ZNF438: variants seen among roughly 807,000 people sequenced by gnomAD.
ZNF438 encodes zinc finger protein 438.
Under a neutral mutation model 38.0 loss-of-function variants are expected in ZNF438, and 25 were observed. The observed-to-expected ratio is 0.66, with a 90% CI of 0.48 to 0.92. The LOEUF (loss-of-function observed/expected upper bound fraction) is 0.92, where lower values mean the gene tolerates loss of function less well. Among genes scored for constraint, ZNF438 ranks in the 40% least tolerant of loss-of-function variants. The pLI is 0.00. For synonymous variants in ZNF438, 372 were observed against 364.1 expected (o/e 1.02, Z -0.25); for missense variants, 1,007 against 999.6 (o/e 1.01, Z -0.10).
intron 4 of ZNF438, among the ~76,000 whole-genome samples, chr10:30,856,228 A>G (rs563523298): frequency 6.6e-6 from 1 of 152,332 alleles, no homozygotes; most frequent in East Asian, 1.9e-4. Flanking sequence ...ACTATCCACC[A>G]AAGTTAAGCA....
chr10:30,846,339 G>C (rs2132617600), intron 5 of ZNF438, among the ~76,000 whole-genome samples: 1 of 152,352 alleles, frequency 6.6e-6, no homozygotes, highest in East Asian at 1.9e-4. Context: ...CATTTGTGCA[G>C]GGTTGGCCAG....
intron 1 of ZNF438, among the ~76,000 whole-genome samples, chr10:31,031,509 T>C (rs1476144630): frequency 6.6e-6 from 1 of 152,114 alleles, no homozygotes; most frequent in African/African-American, 2.4e-5. Context: ...GGAATCTAAG[T>C]CCCTTTATCA....
At chr10:30,859,649 A>G (rs977353454) in intron 4 of ZNF438, among the ~76,000 whole-genome samples, 3 of 152,334 alleles carry the variant, frequency 2.0e-5, no homozygotes, top group Admixed American at 6.5e-5. Flanking sequence ...GGGCATAATA[A>G]TATCTGCCTA....
intron 2 of ZNF438, among the ~76,000 whole-genome samples, chr10:30,930,648 C>T (rs1481162604): frequency 6.6e-6 from 1 of 151,112 alleles, no homozygotes; most frequent in African/African-American, 2.4e-5. Context: ...AATACACACA[C>T]ACACAAAAAT....
At chr10:30,967,046 T>A (rs1215909856) in intron 1 of ZNF438, among the ~76,000 whole-genome samples, 1 of 152,148 alleles carries the variant, frequency 6.6e-6, no homozygotes, top group Non-Finnish European at 1.5e-5. Flanking sequence ...AAGAATAAAC[T>A]TACCCTTGGA....
intron 1 of ZNF438, among the ~76,000 whole-genome samples, chr10:30,955,789 T>C (rs1170092832): frequency 1.3e-5 from 2 of 152,258 alleles, no homozygotes; most frequent in Non-Finnish European, 2.9e-5. Flanking sequence ...GGTAGTAACA[T>C]ATTATTACAA....
At chr10:30,938,006 A>AAAT (rs145456427) in intron 2 of ZNF438, among the ~76,000 whole-genome samples, 1,757 of 152,290 alleles carry the variant, frequency 0.012, 29 homozygotes, top group African/African-American at 0.039. Context: ...GGGGAGCTTT[A>AAAT]AAAAACAAAC....
In ZNF438 at chr10:30,872,425, C is replaced by CAAAAAAA. The variant is rs566401687; in HGVS notation, c.37+4566_37+4572dup. On this transcript the variant is annotated intron_variant, in intron 4 of 5. Transcript: ENST00000413025. ...TGGGTGACAGAACAAGACTCTGTCT[C>CAAAAAAA]AAAAAAAAAAAAAAAAAAAAAAAAA... Among the ~76,000 whole-genome samples the CAAAAAAA allele has an allele frequency of 4.6e-4, 27 of 58,694 alleles. 2 individuals carry two copies. Among genetic ancestry groups the CAAAAAAA allele is most frequent in the East Asian group, 1.9e-3 (3 of 1,598 alleles). The allele number at this position is 58,694 out of a possible 152,430, so 38.5% of individuals were successfully genotyped here.
chr10:30,882,547 A>G (rs142783092), intron 3 of ZNF438, among the ~76,000 whole-genome samples: 1 of 152,318 alleles, frequency 6.6e-6, no homozygotes, highest in Non-Finnish European at 1.5e-5. Context: ...TCACAATAGA[A>G]ATGAAGAAAC....
intron 3 of ZNF438, among the ~76,000 whole-genome samples, chr10:30,904,623 T>C (rs2042388887): frequency 6.6e-6 from 1 of 152,136 alleles, no homozygotes; most frequent in South Asian, 2.1e-4. Context: ...ATTGATGAGG[T>C]TGTCCACACT....
intron 2 of ZNF438, among the ~76,000 whole-genome samples, chr10:30,933,183 T>A (rs944743132): frequency 2.0e-5 from 3 of 152,240 alleles, no homozygotes; most frequent in African/African-American, 7.2e-5. Flanking sequence ...GATGGTGGTA[T>A]AAGTAACATT....
chr10:30,942,130 C>T (rs1408095189), intron 1 of ZNF438, among the ~76,000 whole-genome samples: 9 of 151,984 alleles, frequency 5.9e-5, no homozygotes, highest in African/African-American at 9.7e-5. Flanking sequence ...TTTTGGAGCA[C>T]GATAATTACT....
intron 1 of ZNF438, among the ~76,000 whole-genome samples, chr10:31,019,444 T>A (rs2056435388): frequency 6.6e-6 from 1 of 152,158 alleles, no homozygotes; most frequent in Admixed American, 6.5e-5. Flanking sequence ...CTCAAAAGCA[T>A]AAACATGGAA....
chr10:31,013,121 C>G (rs111470474), intron 1 of ZNF438, among the ~76,000 whole-genome samples: 21 of 152,294 alleles, frequency 1.4e-4, no homozygotes, highest in African/African-American at 4.6e-4. Flanking sequence ...AGATCGAGAC[C>G]ATCCCGGCTA....
chr10:31,030,672 A>G (rs1184437891), intron 1 of ZNF438, among the ~76,000 whole-genome samples: 1 of 152,226 alleles, frequency 6.6e-6, no homozygotes. Context: ...GGATGAAAAG[A>G]TATCACACTC....
chr10:30,985,243 A>AG (rs2052639237), intron 1 of ZNF438, among the ~76,000 whole-genome samples: 1 of 152,224 alleles, frequency 6.6e-6, no homozygotes, highest in Non-Finnish European at 1.5e-5. Context: ...TGAAGGTAGA[A>AG]GAAATACTGA....
At chr10:30,913,449 A>G (rs1451652457) in intron 2 of ZNF438, among the ~76,000 whole-genome samples, 3 of 151,874 alleles carry the variant, frequency 2.0e-5, no homozygotes, top group Non-Finnish European at 1.5e-5. Flanking sequence ...CTCTTCTCCT[A>G]GTTGACTCTT....
At chr10:30,852,694 A>G (rs1451946281) in intron 4 of ZNF438, among the ~76,000 whole-genome samples, 1 of 152,244 alleles carries the variant, frequency 6.6e-6, no homozygotes, top group Admixed American at 6.5e-5. Flanking sequence ...TATGAAACAT[A>G]AGTTCACAGG....
chr10:30,901,889 C>G (rs1448438194), intron 3 of ZNF438, among the ~76,000 whole-genome samples: 1 of 152,142 alleles, frequency 6.6e-6, no homozygotes, highest in Non-Finnish European at 1.5e-5. Context: ...CATGATCTTG[C>G]TGGCTCAGGA....
Sources: allele counts gnomAD v4.1 joint callset (sites outside exome capture counted in the v4.1 genomes callset), GRCh38; gene constraint gnomAD v4.1.1; transcripts MANE v1.5; gene names NCBI Gene and HGNC (gene_info 2026-07-23, HGNC 2026-07-21).